Variants in LGR4 observed in about 807,000 individuals in gnomAD.
The protein encoded by LGR4 is leucine rich repeat containing G protein-coupled receptor 4, also known as leucine-rich repeat-containing G protein-coupled receptor 4.
In LGR4, 44 loss-of-function variants were observed where a neutral mutation model predicts 84.8. The ratio of observed to expected loss-of-function variants is 0.52; its 90% CI spans 0.41 to 0.67. The LOEUF is 0.67. LGR4 is among the 30% of genes least tolerant of loss of function. The pLI is 0.00. For synonymous variants in LGR4, 429 were observed against 434.3 expected, an observed-to-expected ratio of 0.99 and a Z score of 0.15; for missense variants, 1,032 against 1,131.4, an observed-to-expected ratio of 0.91 and a Z score of 1.26.
intron 1 of LGR4, among the ~76,000 whole-genome samples, chr11:27,469,803 T>G (rs954834107): frequency 1.4e-4 from 21 of 152,184 alleles, no homozygotes; most frequent in African/African-American, 4.8e-4. Context: ...TGTATCTCAG[T>G]AAAGCTGCGA....
intron 1 of LGR4, among the ~76,000 whole-genome samples, chr11:27,444,083 T>C (rs1193403089): frequency 7.7e-6 from 1 of 130,696 alleles, no homozygotes; most frequent in Non-Finnish European, 1.8e-5. Flanking sequence ...GCCTGTTTTC[T>C]TGTATTTAAA....
chr11:27,462,466 T>C (rs1864700417), intron 1 of LGR4, among the ~76,000 whole-genome samples: 1 of 152,216 alleles, frequency 6.6e-6, no homozygotes, highest in African/African-American at 2.4e-5. Context: ...TAAAATCAGA[T>C]GTACTACTGT....
At chr11:27,430,357 G>T (rs983681960) in intron 1 of LGR4, among the ~76,000 whole-genome samples, 1 of 152,170 alleles carries the variant, frequency 6.6e-6, no homozygotes, top group African/African-American at 2.4e-5. Context: ...CTAAATCAGA[G>T]ATCTCAGAGA....
intron 1 of LGR4, among the ~76,000 whole-genome samples, chr11:27,453,783 T>C (rs1864525907): frequency 6.6e-6 from 1 of 152,214 alleles, no homozygotes; most frequent in African/African-American, 2.4e-5. Flanking sequence ...GAGTACTGAT[T>C]CTGTAAACCA....
rs775679523 is a variant in LGR4 at position 27,369,158 on chromosome 11, C to T, written c.1580-15G>A. On this transcript the variant is annotated splice_polypyrimidine_tract_variant and intron_variant, in intron 17 of 17. Coordinates refer to ENST00000379214, the MANE Select transcript of LGR4 (RefSeq NM_018490.5). ...CTTAAAAGCACCTAAAAAAAACACACACAGAGAGAGAGAAATAAAAGATAA... is the reference window on the plus strand; with the variant it reads ...CTTAAAAGCACCTAAAAAAAACACATACAGAGAGAGAGAAATAAAAGATAA... 11 of 1,543,682 alleles carry T rather than the reference C, an allele frequency of 7.1e-6. No homozygotes were observed. The East Asian group carries it at 1.4e-4, about 19-fold the overall frequency.
chr11:27,465,504 T>C (rs1268807805), intron 1 of LGR4, among the ~76,000 whole-genome samples: 1 of 152,254 alleles, frequency 6.6e-6, no homozygotes, highest in Non-Finnish European at 1.5e-5. Context: ...TTTAAAGATC[T>C]TGCTAAAAAT....
chr11:27,451,115 A>C (rs757365694), intron 1 of LGR4, among the ~76,000 whole-genome samples: 2 of 152,348 alleles, frequency 1.3e-5, no homozygotes, highest in African/African-American at 2.4e-5. Context: ...CAATACTTAA[A>C]ACTAAAGTTT....
intron 1 of LGR4, among the ~76,000 whole-genome samples, chr11:27,445,273 T>A (rs900942045): frequency 2.6e-5 from 4 of 152,196 alleles, no homozygotes; most frequent in Admixed American, 2.0e-4. Flanking sequence ...TGTGAGAGAC[T>A]GGAGGGCACG....
intron 1 of LGR4, among the ~76,000 whole-genome samples, chr11:27,442,605 A>G (rs959890736): frequency 1.3e-5 from 2 of 152,218 alleles, no homozygotes; most frequent in Non-Finnish European, 2.9e-5. Flanking sequence ...AAAAAAACAC[A>G]GGTGATTTTC....
chr11:27,450,720 A>G (rs1329802348), intron 1 of LGR4, among the ~76,000 whole-genome samples: 1 of 152,130 alleles, frequency 6.6e-6, no homozygotes. Flanking sequence ...CCCGGGAGGC[A>G]GAGGTTACGG....
intron 1 of LGR4, among the ~76,000 whole-genome samples, chr11:27,430,668 C>A (rs1168011860): frequency 6.6e-6 from 1 of 152,128 alleles, no homozygotes; most frequent in African/African-American, 2.4e-5. Context: ...CAAGCCATCA[C>A]CATCTCTCCC....
chr11:27,416,493 T>A (rs565950462), intron 1 of LGR4, among the ~76,000 whole-genome samples: 2 of 152,158 alleles, frequency 1.3e-5, no homozygotes, highest in African/African-American at 4.8e-5. Context: ...CTGGAAGCCA[T>A]CTGAATCCAG....
intron 1 of LGR4, among the ~76,000 whole-genome samples, chr11:27,420,931 T>C (rs1863913748): frequency 6.6e-6 from 1 of 152,144 alleles, no homozygotes; most frequent in Admixed American, 6.6e-5. Flanking sequence ...AATTTGATCA[T>C]TATAGGCAGT....
chr11:27,378,336 A>G (rs372539849), intron 11 of LGR4, among the ~76,000 whole-genome samples: 12 of 152,304 alleles, frequency 7.9e-5, no homozygotes, highest in African/African-American at 2.6e-4. Flanking sequence ...TCCAGACTGA[A>G]TAAAGAGTTA....
chr11:27,440,231 C>A (rs909524573), intron 1 of LGR4, among the ~76,000 whole-genome samples: 1 of 152,068 alleles, frequency 6.6e-6, no homozygotes, highest in African/African-American at 2.4e-5. Flanking sequence ...TACAATGCAT[C>A]TTGACCACAG....
At position 27,391,164 on chromosome 11, in the gene LGR4, T is replaced by C. The variant is rs557754522; in HGVS notation, c.331A>G (p.Thr111Ala). ...GTTTTCAACTGATTATTCTGGAGCG[T>C]TCTGAAAGAAAATTTTTGGTTAGTG... ...LSGLKELKVL[T>A]LQNNQLKTVP... Residue 111 changes from threonine (T) to alanine (A), a missense_variant and splice_region_variant, in exon 4 of 18, where the codon ACG becomes GCG. Transcript: ENST00000379214. 1.3e-6 allele frequency: 2 copies of C among 1,588,922 alleles called. No homozygotes were observed. The highest frequency in any genetic ancestry group is 2.7e-5 in the African/African-American group (2 of 73,752).
At chr11:27,449,956 T>C (rs1418549632) in intron 1 of LGR4, among the ~76,000 whole-genome samples, 2 of 152,224 alleles carry the variant, frequency 1.3e-5, no homozygotes, top group South Asian at 2.1e-4. Flanking sequence ...TAGAAGCTGA[T>C]GATTTGAGGC....
intron 1 of LGR4, among the ~76,000 whole-genome samples, chr11:27,460,543 A>C (rs533120718): frequency 6.6e-6 from 1 of 152,214 alleles, no homozygotes; most frequent in South Asian, 2.1e-4. Flanking sequence ...CAGCCATCCT[A>C]AGTTAATTCA....
chr11:27,439,988 C>T (rs1017414952), intron 1 of LGR4, among the ~76,000 whole-genome samples: 2 of 151,110 alleles, frequency 1.3e-5, no homozygotes, highest in Admixed American at 6.6e-5. Flanking sequence ...TCACTGCAAC[C>T]TCCGCCTCTC....
Sources: allele counts gnomAD v4.1 joint callset (sites outside exome capture counted in the v4.1 genomes callset), GRCh38; gene constraint gnomAD v4.1.1; transcripts MANE v1.5; gene names NCBI Gene and HGNC (gene_info 2026-07-23, HGNC 2026-07-21).